Variants in VAV3 observed in about 807,000 individuals in gnomAD.
VAV3 encodes guanine nucleotide exchange factor VAV3.
Under a neutral mutation model 131.2 loss-of-function variants are expected in VAV3, and 94 were observed. The observed-to-expected ratio is 0.72, with a 90% CI of 0.61 to 0.85. The LOEUF (loss-of-function observed/expected upper bound fraction) is 0.85, where lower values mean the gene tolerates loss of function less well. VAV3 is among the 40% of genes least tolerant of loss of function. The pLI, the probability that VAV3 is intolerant of heterozygous loss-of-function variation, is 0.00. For missense variants in VAV3, 939 were observed against 1,002.7 expected, an observed-to-expected ratio of 0.94 and a Z score of 0.86; for synonymous variants, 349 against 342.0, an observed-to-expected ratio of 1.02 and a Z score of -0.22.
In VAV3 at chr1:107,573,100, T is replaced by A. The variant is rs886186908; in HGVS notation, c.*231A>T. On this transcript the variant is annotated 3_prime_UTR_variant, in exon 27 of 27. Transcript: ENST00000370056. ...TTGGTTTTGCCCTGGTCCCTGACAA[T>A]GACAGACTGGCAGGCTGTTTCTTGC... 8.1e-6 allele frequency: 4 copies of A among 496,396 alleles called. No individual in the cohort carries two copies. Among genetic ancestry groups the A allele is most frequent in the Middle Eastern group, 3.7e-4 (1 of 2,706 alleles). 30.7% of individuals were successfully genotyped at this position (496,396 alleles called of 1,614,324 possible). A position where few individuals can be genotyped will look rare whatever the true frequency, so the allele number is the denominator to read the frequency against.
At chr1:107,603,796 A>C (rs1430105024) in intron 22 of VAV3, among the ~76,000 whole-genome samples, 1 of 151,892 alleles carries the variant, frequency 6.6e-6, no homozygotes, top group Non-Finnish European at 1.5e-5. Flanking sequence ...AGTCTATTTA[A>C]CATGCTAGTA....
intron 2 of VAV3, among the ~76,000 whole-genome samples, chr1:107,789,508 G>A (rs1015419130): frequency 2.0e-5 from 3 of 152,126 alleles, no homozygotes; most frequent in African/African-American, 7.2e-5. Flanking sequence ...ACCAGACTAG[G>A]AGAATAAAAT....
At chr1:107,869,018 C>A (rs933411581) in intron 2 of VAV3, among the ~76,000 whole-genome samples, 1 of 152,056 alleles carries the variant, frequency 6.6e-6, no homozygotes, top group African/African-American at 2.4e-5. Flanking sequence ...CATGTGGTAC[C>A]CAGATGGTTA....
chr1:107,801,439 C>T (rs1299731199), intron 2 of VAV3, among the ~76,000 whole-genome samples: 1 of 152,012 alleles, frequency 6.6e-6, no homozygotes, highest in African/African-American at 2.4e-5. Flanking sequence ...CTAAGTATGG[C>T]CTGAGAAGGA....
intron 15 of VAV3, among the ~76,000 whole-genome samples, chr1:107,737,306 A>C (rs1232334812): frequency 6.6e-6 from 1 of 152,226 alleles, no homozygotes; most frequent in Admixed American, 6.5e-5. Context: ...CAAGGACTTC[A>C]TGTCTAAAAC....
At chr1:107,624,726 C>A (rs554722686) in intron 20 of VAV3, among the ~76,000 whole-genome samples, 1 of 152,162 alleles carries the variant, frequency 6.6e-6, no homozygotes, top group East Asian at 1.9e-4. Context: ...ATGCTCATGG[C>A]AGCATGAGAT....
chr1:107,799,418 A>G (rs1666724062), intron 2 of VAV3, among the ~76,000 whole-genome samples: 1 of 151,952 alleles, frequency 6.6e-6, no homozygotes, highest in Non-Finnish European at 1.5e-5. Context: ...TTTCATATCC[A>G]TATTTGTAAG....
chr1:107,814,741 T>A (rs1007779708), intron 2 of VAV3, among the ~76,000 whole-genome samples: 5 of 152,152 alleles, frequency 3.3e-5, no homozygotes, highest in Non-Finnish European at 5.9e-5. Context: ...CCATAATAAT[T>A]TTGAGCAATG....
At chr1:107,943,130 C>T (rs1248239627) in intron 1 of VAV3, among the ~76,000 whole-genome samples, 1 of 152,144 alleles carries the variant, frequency 6.6e-6, no homozygotes, top group Non-Finnish European at 1.5e-5. Flanking sequence ...CACACCAGAT[C>T]TCCTACTCTT....
At chr1:107,585,955 G>A (rs1181939602) in intron 25 of VAV3, among the ~76,000 whole-genome samples, 1 of 152,154 alleles carries the variant, frequency 6.6e-6, no homozygotes, top group Non-Finnish European at 1.5e-5. Context: ...AGTGCTTCTA[G>A]AGCCAGTGGC....
chr1:107,659,748 C>G (rs1352280751), intron 19 of VAV3, among the ~76,000 whole-genome samples: 1 of 152,010 alleles, frequency 6.6e-6, no homozygotes, highest in African/African-American at 2.4e-5. Flanking sequence ...ATGCTGTTAC[C>G]CGCACTTGGT....
chr1:107,781,339 T>C (rs563618063), intron 2 of VAV3, among the ~76,000 whole-genome samples: 1 of 152,314 alleles, frequency 6.6e-6, no homozygotes, highest in Admixed American at 6.5e-5. Context: ...TTGAATTACA[T>C]ATAGATGACG....
chr1:107,600,299 A>T (rs538402382), intron 24 of VAV3, among the ~76,000 whole-genome samples: 1 of 152,102 alleles, frequency 6.6e-6, no homozygotes, highest in Non-Finnish European at 1.5e-5. Flanking sequence ...GTTATTTACT[A>T]AACTTGATAA....
chr1:107,801,811 A>G (rs1666839786), intron 2 of VAV3, among the ~76,000 whole-genome samples: 1 of 152,164 alleles, frequency 6.6e-6, no homozygotes, highest in Admixed American at 6.5e-5. Context: ...AACTAAACTC[A>G]TTTAAATTTA....
intron 2 of VAV3, among the ~76,000 whole-genome samples, chr1:107,800,487 T>C (rs12726665): frequency 0.1 from 15,371 of 152,214 alleles, 897 homozygotes; most frequent in Non-Finnish European, 0.13. Context: ...GCCATCTGTA[T>C]GTCTTCTGAG....
At chr1:107,938,367 T>C (rs17020428) in intron 1 of VAV3, among the ~76,000 whole-genome samples, 5,093 of 152,154 alleles carry the variant, frequency 0.033, 118 homozygotes, top group South Asian at 0.13. Context: ...AGGAGTGTCT[T>C]AGGGATCTAG....
At chr1:107,772,704 G>A (rs1363555287) in intron 5 of VAV3, 31 bp downstream of exon 5, 37 of 1,547,730 alleles carry the variant, frequency 2.4e-5, no homozygotes, top group Non-Finnish European at 3.3e-5. Flanking sequence ...AAAATATTCA[G>A]AGTAACTTTA....
chr1:107,934,892 C>G (rs974300117), intron 1 of VAV3, among the ~76,000 whole-genome samples: 1 of 152,238 alleles, frequency 6.6e-6, no homozygotes, highest in African/African-American at 2.4e-5. Flanking sequence ...AGACGTGCTA[C>G]AAGAAACAAA....
intron 2 of VAV3, among the ~76,000 whole-genome samples, chr1:107,797,429 G>A (rs1666602376): frequency 6.6e-6 from 1 of 152,146 alleles, no homozygotes. Context: ...TCCTTAGGGA[G>A]TTATCAATAC....
Sources: allele counts gnomAD v4.1 joint callset (sites outside exome capture counted in the v4.1 genomes callset), GRCh38; gene constraint gnomAD v4.1.1; transcripts MANE v1.5; gene names NCBI Gene and HGNC (gene_info 2026-07-23, HGNC 2026-07-21).